BUD23: variants seen among roughly 807,000 people sequenced by gnomAD.
BUD23 encodes the protein BUD23 rRNA methyltransferase and ribosome maturation factor.
In BUD23, 34 loss-of-function variants were observed where a neutral mutation model predicts 47.0. The observed-to-expected ratio is 0.72, with a 90% confidence interval of 0.55 to 0.96. BUD23 has a LOEUF of 0.96. Among genes scored for constraint, BUD23 ranks in the 40% least tolerant of loss-of-function variants. The pLI is 0.00. For missense variants in BUD23, 343 were observed against 361.2 expected, an observed-to-expected ratio of 0.95 and a Z score of 0.41; for synonymous variants, 124 against 132.0, an observed-to-expected ratio of 0.94 and a Z score of 0.41.
chr7:73,693,777 G>A, intron 9 of BUD23, 108 bp downstream of exon 9: 1 of 1,475,152 alleles, frequency 6.8e-7, no homozygotes, highest in Non-Finnish European at 9.5e-7. Flanking sequence ...GCAGGGCCCA[G>A]CCCCAGAGTG....
intron 10 of BUD23, chr7:73,696,767 C>G (rs115200869): frequency 6.5e-6 from 1 of 152,818 alleles, no homozygotes; most frequent in East Asian, 1.9e-4. Flanking sequence ...TTCCTCCCTT[C>G]CTCCTGGCCG....
At chr7:73,686,586 A>G (rs1797978632) in intron 2 of BUD23, 50 bp from the exon 3 acceptor site, 2 of 1,506,802 alleles carry the variant, frequency 1.3e-6, no homozygotes. Context: ...TGGGGGAAGT[A>G]TTCACCCAGA....
At chr7:73,691,938 T>G (rs1554614089) in intron 6 of BUD23, among the ~76,000 whole-genome samples, 1 of 152,086 alleles carries the variant, frequency 6.6e-6, no homozygotes, top group South Asian at 2.1e-4. Flanking sequence ...ATCTGAGTGG[T>G]TTTTGCCTCC....
In BUD23 at chr7:73,691,158, T is replaced by A. The variant is rs1212090491; in HGVS notation, c.459+146T>A. 6.0e-6 allele frequency: 4 copies of A among 661,326 alleles called. No individual in the cohort carries two copies. In the Admixed American group the frequency reaches 8.1e-5, roughly 13 times the overall value. 41.0% of individuals were successfully genotyped at this position (661,326 alleles called of 1,614,324 possible). ...GTGGCAGGACCTTACTGTGGTTACTTCTGTCCAGGTCCTCAGCCTAAATGG... is the reference window on the plus strand; with the variant it reads ...GTGGCAGGACCTTACTGTGGTTACTACTGTCCAGGTCCTCAGCCTAAATGG... On this transcript the variant is annotated intron_variant, in intron 6 of 11. Transcript: ENST00000265758.
chr7:73,686,967 C>T, intron 4 of BUD23, 32 bp from the exon 5 acceptor site: 1 of 1,614,084 alleles, frequency 6.2e-7, no homozygotes, highest in Non-Finnish European at 8.5e-7. Context: ...ACAGGTATTT[C>T]TCTTTCTCTG....
chr7:73,683,931 C>T, intron 2 of BUD23, 127 bp downstream of exon 2: 1 of 1,581,650 alleles, frequency 6.3e-7, no homozygotes, highest in Non-Finnish European at 8.6e-7. Flanking sequence ...CGGGTGGGTG[C>T]CGATTTCTGT....
chr7:73,692,785 C>T, intron 7 of BUD23, 139 bp downstream of exon 7: 1 of 761,470 alleles, frequency 1.3e-6, no homozygotes, highest in East Asian at 2.7e-5. Context: ...CCTGATGGCA[C>T]ATTTGATGAC....
At chr7:73,685,656 G>T (rs980037033) in intron 2 of BUD23, among the ~76,000 whole-genome samples, 2 of 152,208 alleles carry the variant, frequency 1.3e-5, no homozygotes, top group East Asian at 3.9e-4. Flanking sequence ...ACCCGCCTTG[G>T]CCTCCCAAAG....
rs529754545 is a variant in BUD23 at position 73,690,838 on chromosome 7, A to G, written c.363-78A>G. On this transcript the variant is annotated intron_variant, in intron 5 of 11. Transcript: ENST00000265758. Reference sequence around the variant, plus strand: ...GGTTTCTCTTGGAGAGCCAGGACGGATGATGTCAAGAGGCTTGAAGTGGTT... The same window carrying G: ...GGTTTCTCTTGGAGAGCCAGGACGGGTGATGTCAAGAGGCTTGAAGTGGTT... The G allele has an allele frequency of 7.0e-6, 8 of 1,138,770 alleles. No homozygotes were observed. The East Asian group carries it at 1.2e-4, about 17-fold the overall frequency. The allele number at this position is 1,138,770 out of a possible 1,614,324, so 70.5% of individuals were successfully genotyped here.
In BUD23 at chr7:73,686,635, G is replaced by T; in HGVS notation, c.87-1G>T. On this transcript the variant is annotated splice_acceptor_variant, in intron 2 of 11. Transcript: ENST00000265758. LOFTEE classifies it high-confidence loss of function. ...GTCCACTTGTGTTTCTGCCTTACCAGCTCACGGATGATTGATATCCAGACC... is the reference window on the plus strand; with the variant it reads ...GTCCACTTGTGTTTCTGCCTTACCATCTCACGGATGATTGATATCCAGACC... 1 of 1,614,116 alleles carries T rather than the reference G, an allele frequency of 6.2e-7. No individual in the cohort carries two copies. The highest frequency in any genetic ancestry group is 8.5e-7 in the Non-Finnish European group (1 of 1,179,994).
chr7:73,697,049 A>T, intron 10 of BUD23: 1 of 244,898 alleles, frequency 4.1e-6, no homozygotes, highest in Non-Finnish European at 8.1e-6. Context: ...CATCAGGCTC[A>T]GGCATCCGAA....
intron 10 of BUD23, chr7:73,697,398 A>G: frequency 6.5e-7 from 1 of 1,531,464 alleles, no homozygotes; most frequent in Non-Finnish European, 8.7e-7. Flanking sequence ...TGCCCACCCA[A>G]CAACCTCTGT....
chr7:73,684,737 AC>A (rs1483686679), intron 2 of BUD23, among the ~76,000 whole-genome samples: 1 of 151,462 alleles, frequency 6.6e-6, no homozygotes, highest in Non-Finnish European at 1.5e-5. Context: ...AGCCTGGCCA[AC>A]ATGGCGAAAC....
chr7:73,694,748 TG>T (rs1563559354), intron 10 of BUD23: 1 of 152,536 alleles, frequency 6.6e-6, no homozygotes, highest in Non-Finnish European at 1.5e-5. Flanking sequence ...TTCCTTCACT[TG>T]GCCTTCCACC....
chr7:73,697,265 G>T (rs1489247835), intron 10 of BUD23: 1 of 608,362 alleles, frequency 1.6e-6, no homozygotes, highest in African/African-American at 1.8e-5. Context: ...AAGTCTAGGT[G>T]ATGATGTGTC....
At position 73,688,194 on chromosome 7, in the gene BUD23, C is replaced by T. The variant is rs1275080450; in HGVS notation, c.362+1099C>T. ...TACAGGCGTGAGCCACCGCGCCCAG[C>T]CTAAAAAGCTAGACATGGTGGTGGC... is the stretch of plus-strand genomic sequence containing the variant. On this transcript the variant is annotated intron_variant, in intron 5 of 11. Transcript: ENST00000265758. Among the ~76,000 whole-genome samples the T allele has an allele frequency of 4.6e-5, 7 of 152,204 alleles. No homozygotes were observed. The East Asian group carries it at 7.7e-4, about 17-fold the overall frequency.
rs575071708 is a variant in BUD23 at position 73,686,558 on chromosome 7, G to T, written c.87-78G>T. On this transcript the variant is annotated intron_variant, in intron 2 of 11. Coordinates refer to ENST00000265758, the MANE Select transcript of BUD23 (RefSeq NM_017528.5). ...TTTGTTTTTAACTTGGCTTTTTTTTGTTTTTTGTTTTTTGGTCTGGGGGAA... is the reference window on the plus strand; with the variant it reads ...TTTGTTTTTAACTTGGCTTTTTTTTTTTTTTTGTTTTTTGGTCTGGGGGAA... The T allele has an allele frequency of 8.0e-4, 1,045 of 1,309,750 alleles. 5 individuals carry two copies. In the African/African-American group the frequency reaches 0.013, roughly 16 times the overall value. 81.1% of individuals were successfully genotyped at this position (1,309,750 alleles called of 1,614,324 possible).
At chr7:73,685,606 CTA>C (rs549861524) in intron 2 of BUD23, among the ~76,000 whole-genome samples, 2 of 152,208 alleles carry the variant, frequency 1.3e-5, no homozygotes, top group South Asian at 4.1e-4. Context: ...GGGAGTTTTG[CTA>C]TGTTGCCCAG....
rs782090436 is a variant in BUD23, at chr7:73,691,030, T to TCCCC, written c.459+19_459+22dup. ...CTGTTCTCGTGAGTATAAGATCTTC[T>TCCCC]CCCCATCTGGGTTAGCTGCCTGTCC... On this transcript the variant is annotated intron_variant, in intron 6 of 11. Transcript: ENST00000265758. 1.2e-6 allele frequency: 2 copies of TCCCC among 1,610,820 alleles called. No individual in the cohort carries two copies. The highest frequency in any genetic ancestry group is 8.5e-7 in the Non-Finnish European group (1 of 1,177,012).
Sources: gnomAD v4.1 joint callset for allele counts (sites outside exome capture counted in the v4.1 genomes callset) on GRCh38, gnomAD v4.1.1 for gene constraint, MANE v1.5 for transcripts, NCBI Gene and HGNC (gene_info 2026-07-23, HGNC 2026-07-21) for gene names.